The following PRDM16 variants were observed in gnomAD, a reference collection of about 807,000 sequenced individuals.
PRDM16 encodes the protein histone-lysine N-methyltransferase PRDM16.
PRDM16 carries 23 observed loss-of-function variants against 110.6 expected under a neutral mutation model. The ratio of observed to expected loss-of-function variants is 0.21; its 90% CI spans 0.15 to 0.29. PRDM16 has a LOEUF of 0.29. Ranked by LOEUF, PRDM16 falls within the 10% of genes least tolerant of loss-of-function variation. The pLI, the probability that PRDM16 is intolerant of heterozygous loss-of-function variation, is 1.00. For synonymous variants in PRDM16, 799 were observed against 781.8 expected, an observed-to-expected ratio of 1.02 and a Z score of -0.37; for missense variants, 1,615 against 1,794.3, an observed-to-expected ratio of 0.90 and a Z score of 1.81.
intron 1 of PRDM16, among the ~76,000 whole-genome samples, chr1:3,137,774 A>G (rs1013680041): frequency 4.6e-5 from 7 of 152,264 alleles, no homozygotes; most frequent in Admixed American, 6.5e-5. Flanking sequence ...CCTCCTGCAC[A>G]GGAGCGCACT....
At chr1:3,340,857 C>G (rs1023563897) in intron 3 of PRDM16, among the ~76,000 whole-genome samples, 1 of 152,180 alleles carries the variant, frequency 6.6e-6, no homozygotes, top group Admixed American at 6.5e-5. Flanking sequence ...CTGTGCACCT[C>G]CAGACTGGAG....
intron 4 of PRDM16, among the ~76,000 whole-genome samples, chr1:3,386,167 C>CCCGGGGTG (rs1557645889): frequency 1.8e-5 from 2 of 113,280 alleles, no homozygotes; most frequent in African/African-American, 5.9e-5. Flanking sequence ...TGCCCGGGGT[C>CCCGGGGTG]CCCGGCCCCT....
At position 3,335,753 on chromosome 1, in the gene PRDM16, G is replaced by T. The variant is rs1570095684; in HGVS notation, c.439-49399G>T. Among the ~76,000 whole-genome samples the T allele has an allele frequency of 2.0e-5, 3 of 152,238 alleles. No homozygotes were observed. In the South Asian group the frequency reaches 6.2e-4, roughly 32 times the overall value. ...CATCCTGGTGGAAGGTGCTGGCCTG[G>T]CAGGGGCAAGGAGGACTCAGGAGTC... On this transcript the variant is annotated intron_variant, in intron 3 of 16. Transcript: ENST00000270722.
intron 1 of PRDM16, among the ~76,000 whole-genome samples, chr1:3,082,981 G>T (rs75847750): frequency 6.6e-6 from 1 of 152,212 alleles, no homozygotes; most frequent in Non-Finnish European, 1.5e-5. Flanking sequence ...AGGTGGGGGC[G>T]CTGGAGATCG....
intron 1 of PRDM16, among the ~76,000 whole-genome samples, chr1:3,131,879 C>T (rs1643342886): frequency 1.3e-5 from 2 of 152,230 alleles, no homozygotes; most frequent in African/African-American, 4.8e-5. Context: ...CTCCTCCTCC[C>T]TCCTGGGCCT....
chr1:3,313,794 G>A (rs935737905), intron 3 of PRDM16, among the ~76,000 whole-genome samples: 8 of 152,236 alleles, frequency 5.3e-5, no homozygotes, highest in African/African-American at 1.9e-4. Context: ...TAACTGGAAC[G>A]CAGCCTAGAG....
chr1:3,089,702 G>A (rs1005558796), intron 1 of PRDM16, among the ~76,000 whole-genome samples: 7 of 152,208 alleles, frequency 4.6e-5, no homozygotes, highest in Non-Finnish European at 8.8e-5. Context: ...TGGCATTGTC[G>A]AATTTCCCTG....
At chr1:3,180,664 G>A (rs1457921679) in intron 1 of PRDM16, among the ~76,000 whole-genome samples, 1 of 139,526 alleles carries the variant, frequency 7.2e-6, no homozygotes, top group Non-Finnish European at 1.5e-5. Context: ...TGCCCTTGAG[G>A]GAGGGAGGCA....
At chr1:3,411,249 C>T in intron 8 of PRDM16, 135 bp from the exon 9 acceptor site, 2 of 820,854 alleles carry the variant, frequency 2.4e-6, no homozygotes, top group Non-Finnish European at 2.0e-6. Context: ...CACGCACATG[C>T]ACCCAGACAG....
chr1:3,408,770 A>C (rs12063613), intron 8 of PRDM16, among the ~76,000 whole-genome samples: 3 of 101,156 alleles, frequency 3.0e-5, no homozygotes, highest in Non-Finnish European at 6.2e-5. Flanking sequence ...GTGAGAGTGC[A>C]TGAGTGTGGG....
rs1280641198 is a variant in PRDM16, at chr1:3,430,951, G to A, written c.3364G>A (p.Asp1122Asn). 2 of 1,613,400 alleles carry A rather than the reference G, an allele frequency of 1.2e-6. No individual in the cohort carries two copies. The highest frequency in any genetic ancestry group is 4.5e-5 in the East Asian group (2 of 44,892). Residue 1122 changes from aspartate to asparagine, a missense_variant, in exon 15 of 17, where the codon GAC (aspartate) becomes AAC (asparagine). Asp to Asn is a conservative substitution (Grantham distance 23, BLOSUM62 1). Around this residue, in one of 5 missense-constraint regions of PRDM16, gnomAD observed 327 missense variants for 359.3 expected, o/e 0.91. Transcript: ENST00000270722. ...SEKQEDVEEEDDDDLEEDDED... is the reference protein window; with the variant it reads ...SEKQEDVEEENDDDLEEDDED... ...GAAGCAGGAGGACGTGGAGGAGGAG[G>A]ACGACGATGACCTGGAGGAGGACGA...
chr1:3,181,220 AG>A, intron 1 of PRDM16, among the ~76,000 whole-genome samples: 1 of 49,378 alleles, frequency 2.0e-5, no homozygotes, highest in Non-Finnish European at 4.9e-5. Flanking sequence ...TTACACACGC[AG>A]TCTTACACAC....
chr1:3,171,258 G>T (rs1017960909), intron 1 of PRDM16, among the ~76,000 whole-genome samples: 1 of 152,232 alleles, frequency 6.6e-6, no homozygotes, highest in African/African-American at 2.4e-5. Context: ...GTTTGGTGGC[G>T]GTCGGCTGTT....
At chr1:3,096,401 G>A (rs537703743) in intron 1 of PRDM16, among the ~76,000 whole-genome samples, 18 of 152,270 alleles carry the variant, frequency 1.2e-4, no homozygotes, top group African/African-American at 4.3e-4. Flanking sequence ...GCTCTCCCCT[G>A]GCCAAGTCGG....
intron 3 of PRDM16, among the ~76,000 whole-genome samples, chr1:3,322,490 C>T (rs1356385002): frequency 6.6e-6 from 1 of 152,146 alleles, no homozygotes; most frequent in African/African-American, 2.4e-5. Context: ...CCGGCTGGGG[C>T]TCTCACTCTC....
chr1:3,141,443 T>C (rs895218154), intron 1 of PRDM16, among the ~76,000 whole-genome samples: 6 of 152,216 alleles, frequency 3.9e-5, no homozygotes, highest in African/African-American at 7.2e-5. Context: ...GCAGAACAAA[T>C]GGCGCAGAGA....
intron 3 of PRDM16, among the ~76,000 whole-genome samples, chr1:3,269,738 ACAGTCAGGAGGAGC>A: frequency 6.7e-6 from 1 of 150,278 alleles, no homozygotes; most frequent in East Asian, 2.0e-4. Flanking sequence ...AGTTGGGAGG[ACAGTCAGGAGGAGC>A]ATAGTCCTGG....
At chr1:3,423,149 A>G (rs1314576666) in intron 12 of PRDM16, among the ~76,000 whole-genome samples, 1 of 152,168 alleles carries the variant, frequency 6.6e-6, no homozygotes, top group Non-Finnish European at 1.5e-5. Context: ...GGATGGGGAT[A>G]TGCCTCGGCC....
At chr1:3,168,940 C>T (rs1033950347) in intron 1 of PRDM16, among the ~76,000 whole-genome samples, 1 of 152,194 alleles carries the variant, frequency 6.6e-6, no homozygotes, top group Non-Finnish European at 1.5e-5. Flanking sequence ...CTGAGCTGAC[C>T]CCTGTGGCCA....
Sources: allele counts gnomAD v4.1 joint callset (sites outside exome capture counted in the v4.1 genomes callset), GRCh38; gene constraint gnomAD v4.1.1; regional missense constraint gnomAD v4.1.1; transcripts MANE v1.5; gene names NCBI Gene and HGNC (gene_info 2026-07-23, HGNC 2026-07-21).